The following STPG4 variants were observed in gnomAD, a reference collection of about 807,000 sequenced individuals.
STPG4 encodes the protein protein STPG4.
Under a neutral mutation model 31.5 loss-of-function variants are expected in STPG4, and 41 were observed. The ratio of observed to expected loss-of-function variants is 1.30; its 90% confidence interval spans 1.01 to 1.69. STPG4 has a LOEUF of 1.69. STPG4 is among the 40% of genes most tolerant of loss of function. The pLI, the probability that STPG4 is intolerant of heterozygous loss-of-function variation, is 0.00. For missense variants in STPG4, 375 were observed against 293.4 expected (o/e 1.28, Z -2.03); for synonymous variants, 141 against 103.0 (o/e 1.37, Z -2.24).
chr2:47,129,060 G>A (rs1271444861), intron 5 of STPG4: 5 of 152,266 alleles, frequency 3.3e-5, no homozygotes, highest in Non-Finnish European at 7.3e-5. Context: ...CCAGAGATGT[G>A]TCTAGAAATG....
chr2:47,102,018 G>A (rs1049681623), intron 5 of STPG4, among the ~76,000 whole-genome samples: 3 of 151,894 alleles, frequency 2.0e-5, no homozygotes, highest in African/African-American at 4.9e-5. Flanking sequence ...AAGGGTGCAG[G>A]TTTTCGAGAA....
intron 3 of STPG4, among the ~76,000 whole-genome samples, chr2:47,137,927 T>C (rs1039506998): frequency 3.9e-5 from 6 of 152,180 alleles, no homozygotes; most frequent in Non-Finnish European, 7.4e-5. Context: ...GAATCAGCTC[T>C]GAGTTCCTTG....
rs914699537 is a variant in STPG4 at position 47,100,856 on chromosome 2, C to T, written c.520-10482G>A. Among the ~76,000 whole-genome samples, 5 of 151,798 alleles carry T rather than the reference C, an allele frequency of 3.3e-5. No homozygotes were observed. The East Asian group carries it at 5.8e-4, about 18-fold the overall frequency. ...CACAAGAAGGAAGAAACTCCGAACACATCCGAACATCAGAAGGAACAAACT... is the reference window on the plus strand; with the variant it reads ...CACAAGAAGGAAGAAACTCCGAACATATCCGAACATCAGAAGGAACAAACT... On this transcript the variant is annotated intron_variant, in intron 5 of 6. Coordinates refer to ENST00000445927, the MANE Select transcript of STPG4 (RefSeq NM_001163561.2).
intron 3 of STPG4, among the ~76,000 whole-genome samples, chr2:47,145,749 G>A (rs1010871543): frequency 5.3e-5 from 8 of 152,144 alleles, no homozygotes; most frequent in African/African-American, 1.9e-4. Flanking sequence ...ATAATAATGA[G>A]CAAAACAGAT....
At chr2:47,101,070 C>G (rs889732406) in intron 5 of STPG4, among the ~76,000 whole-genome samples, 2 of 151,936 alleles carry the variant, frequency 1.3e-5, no homozygotes, top group Non-Finnish European at 1.5e-5. Flanking sequence ...GAGACCATCA[C>G]CTATCGCCAA....
chr2:47,141,923 A>C (rs1264973951), intron 3 of STPG4, among the ~76,000 whole-genome samples: 7 of 146,332 alleles, frequency 4.8e-5, no homozygotes, highest in African/African-American at 1.8e-4. Context: ...GTGGCTACTG[A>C]AGGATCTAGG....
At chr2:47,118,811 T>C (rs1686205025) in intron 5 of STPG4, among the ~76,000 whole-genome samples, 1 of 152,352 alleles carries the variant, frequency 6.6e-6, no homozygotes, top group Non-Finnish European at 1.5e-5. Context: ...ACATTGCACC[T>C]GGCACCAGAA....
chr2:47,092,633 G>A (rs1392374361), intron 5 of STPG4, among the ~76,000 whole-genome samples: 2 of 146,454 alleles, frequency 1.4e-5, no homozygotes, highest in African/African-American at 5.1e-5. Flanking sequence ...AGGGAGCAGA[G>A]GGGAGAGGAG....
At chr2:47,106,907 GTT>G (rs1685923894) in intron 5 of STPG4, among the ~76,000 whole-genome samples, 1 of 151,928 alleles carries the variant, frequency 6.6e-6, no homozygotes, top group Non-Finnish European at 1.5e-5. Flanking sequence ...CCCCAAATGA[GTT>G]AAACTAACAA....
At chr2:47,099,078 G>C (rs72808562) in intron 5 of STPG4, among the ~76,000 whole-genome samples, 14,407 of 152,176 alleles carry the variant, frequency 0.095, 859 homozygotes, top group Non-Finnish European at 0.12. Flanking sequence ...TGACGGTCTG[G>C]GTTTCTAGTT....
At chr2:47,101,422 C>T (rs13005111) in intron 5 of STPG4, among the ~76,000 whole-genome samples, 8,357 of 151,734 alleles carry the variant, frequency 0.055, 425 homozygotes, top group African/African-American at 0.11. Flanking sequence ...GTCACCCAAG[C>T]GAGACTCACC....
In STPG4 at chr2:47,129,925, T is replaced by C. The variant is rs771062685; in HGVS notation, c.519+16A>G. ...CATCAAATTCATCATGAGTTAACTG[T>C]CTACATTATACTTACGGGAATAAAA... On this transcript the variant is annotated intron_variant, in intron 5 of 6. Transcript: ENST00000445927. 13 of 1,611,006 alleles carry C rather than the reference T, an allele frequency of 8.1e-6. No homozygotes were observed. Among genetic ancestry groups the C allele is most frequent in the Non-Finnish European group, 9.3e-6 (11 of 1,179,176 alleles).
intron 3 of STPG4, among the ~76,000 whole-genome samples, chr2:47,138,961 A>G (rs2103791843): frequency 6.6e-6 from 1 of 152,356 alleles, no homozygotes; most frequent in Non-Finnish European, 1.5e-5. Context: ...CTGGGATTAC[A>G]GGTGTGAGCC....
chr2:47,153,241 G>C, intron 1 of STPG4, among the ~76,000 whole-genome samples: 1 of 152,112 alleles, frequency 6.6e-6, no homozygotes, highest in East Asian at 1.9e-4. Context: ...TAAAATTAGA[G>C]TAATAAACAC....
intron 3 of STPG4, among the ~76,000 whole-genome samples, chr2:47,148,286 G>A (rs1686867397): frequency 6.6e-6 from 1 of 151,950 alleles, no homozygotes; most frequent in East Asian, 1.9e-4. Context: ...CAGTACGGGT[G>A]AAAGGGTTGA....
At chr2:47,100,839 G>A (rs1685782650) in intron 5 of STPG4, among the ~76,000 whole-genome samples, 1 of 151,632 alleles carries the variant, frequency 6.6e-6, no homozygotes, top group African/African-American at 2.4e-5. Context: ...CCCACAAGAA[G>A]GAAGAAACTC....
At chr2:47,105,409 T>C (rs1211903520) in intron 5 of STPG4, among the ~76,000 whole-genome samples, 8 of 152,052 alleles carry the variant, frequency 5.3e-5, no homozygotes, top group Admixed American at 2.0e-4. Context: ...AGGAAGTTTA[T>C]GGCTATCAGA....
intron 4 of STPG4, 76 bp downstream of exon 4, chr2:47,130,120 G>A (rs910722893): frequency 6.7e-7 from 1 of 1,493,442 alleles, no homozygotes; most frequent in African/African-American, 1.4e-5. Flanking sequence ...GTGCATAAAT[G>A]AGGTTTAAAA....
intron 3 of STPG4, among the ~76,000 whole-genome samples, chr2:47,150,486 C>T (rs1485140977): frequency 6.6e-6 from 1 of 151,774 alleles, no homozygotes; most frequent in African/African-American, 2.4e-5. Flanking sequence ...CCTGGGACCA[C>T]ATGCTCACTT....
Sources: allele counts gnomAD v4.1 joint callset (sites outside exome capture counted in the v4.1 genomes callset), GRCh38; gene constraint gnomAD v4.1.1; transcripts MANE v1.5; gene names NCBI Gene and HGNC (gene_info 2026-07-23, HGNC 2026-07-21).